Variants in NXPH1 observed in about 807,000 individuals in gnomAD.
NXPH1 encodes neurexophilin 1, also known as neurexophilin-1.
Under a neutral mutation model 23.7 loss-of-function variants are expected in NXPH1, and 5 were observed. That is an observed-to-expected ratio of 0.21 (90% CI 0.11 to 0.44). The LOEUF (loss-of-function observed/expected upper bound fraction) is 0.44, where lower values mean the gene tolerates loss of function less well. Among genes scored for constraint, NXPH1 ranks in the 20% least tolerant of loss-of-function variants. The probability of loss-of-function intolerance (pLI) is 0.99; values close to 1 mark genes in which losing one functional copy is unlikely to be tolerated. For synonymous variants in NXPH1, 144 were observed against 122.2 expected, an observed-to-expected ratio of 1.18 and a Z score of -1.18; for missense variants, 324 against 321.6, an observed-to-expected ratio of 1.01 and a Z score of -0.06.
intron 2 of NXPH1, among the ~76,000 whole-genome samples, chr7:8,538,441 C>T (rs1012470948): frequency 4.6e-5 from 7 of 151,880 alleles, no homozygotes; most frequent in African/African-American, 1.2e-4. Context: ...CTGATATTCT[C>T]TTTCTGGGAC....
chr7:8,723,542 T>C (rs930657610), intron 2 of NXPH1, among the ~76,000 whole-genome samples: 1 of 152,234 alleles, frequency 6.6e-6, no homozygotes. Flanking sequence ...TATAACATTT[T>C]TGGTTATAAT....
chr7:8,575,109 A>G (rs933356738), intron 2 of NXPH1, among the ~76,000 whole-genome samples: 2 of 152,160 alleles, frequency 1.3e-5, no homozygotes, highest in African/African-American at 4.8e-5. Context: ...CTAAAAGAGT[A>G]TTTCTGACTA....
At chr7:8,554,206 A>G (rs1818320219) in intron 2 of NXPH1, among the ~76,000 whole-genome samples, 1 of 151,638 alleles carries the variant, frequency 6.6e-6, no homozygotes, top group Admixed American at 6.6e-5. Flanking sequence ...GTTAGATACT[A>G]TCATTGCTTA....
chr7:8,648,136 C>G (rs1022072894), intron 2 of NXPH1, among the ~76,000 whole-genome samples: 9 of 148,058 alleles, frequency 6.1e-5, no homozygotes, highest in African/African-American at 1.9e-4. Flanking sequence ...TCCATCCCCT[C>G]AAGCATTTAT....
chr7:8,649,326 T>G (rs1201476402), intron 2 of NXPH1, among the ~76,000 whole-genome samples: 5 of 151,920 alleles, frequency 3.3e-5, no homozygotes, highest in African/African-American at 1.2e-4. Flanking sequence ...TCTTTCCTTT[T>G]TTTGTATTCA....
chr7:8,738,220 G>C (rs748841381), intron 2 of NXPH1, among the ~76,000 whole-genome samples: 1 of 152,176 alleles, frequency 6.6e-6, no homozygotes, highest in Non-Finnish European at 1.5e-5. Flanking sequence ...AGGCATTCTG[G>C]ATTTGGAATT....
At position 8,752,130 on chromosome 7, in the gene NXPH1, G is replaced by A. The variant is rs772302429; in HGVS notation, c.*361G>A. The A allele has an allele frequency of 2.3e-4, 45 of 196,258 alleles. No individual in the cohort carries two copies. Among genetic ancestry groups the A allele is most frequent in the Non-Finnish European group, 4.7e-4 (44 of 93,604 alleles). 12.2% of individuals were successfully genotyped at this position (196,258 alleles called of 1,614,324 possible). ...GGTTCAGGATCAACTATCATCAAAC[G>A]GAAGGATTAACTAGACAGAGAATGT... is the stretch of plus-strand genomic sequence containing the variant. On this transcript the variant is annotated 3_prime_UTR_variant, in exon 3 of 3. Transcript: ENST00000405863.
At chr7:8,607,316 A>C (rs766246710) in intron 2 of NXPH1, among the ~76,000 whole-genome samples, 3 of 152,198 alleles carry the variant, frequency 2.0e-5, no homozygotes, top group Non-Finnish European at 4.4e-5. Flanking sequence ...CAGTTTAATT[A>C]AGACCAATGA....
At chr7:8,482,664 G>T (rs1817094149) in intron 2 of NXPH1, among the ~76,000 whole-genome samples, 1 of 152,142 alleles carries the variant, frequency 6.6e-6, no homozygotes. Flanking sequence ...AATGCTCATG[G>T]TCATTGACTT....
intron 2 of NXPH1, among the ~76,000 whole-genome samples, chr7:8,493,330 G>A (rs753707368): frequency 7.2e-5 from 11 of 151,982 alleles, no homozygotes; most frequent in Non-Finnish European, 1.5e-4. Context: ...ATTTCATCAC[G>A]GCTGGAGGAA....
rs1780575741 is a variant in NXPH1 at position 8,752,121 on chromosome 7, T to A, written c.*352T>A. On this transcript the variant is annotated 3_prime_UTR_variant, in exon 3 of 3. Transcript: ENST00000405863. ...ACTCATAATGGTTCAGGATCAACTA[T>A]CATCAAACGGAAGGATTAACTAGAC... 4.9e-6 allele frequency: 1 copy of A among 204,134 alleles called. No individual in the cohort carries two copies. Among genetic ancestry groups the A allele is most frequent in the African/African-American group, 2.3e-5 (1 of 43,736 alleles). 12.6% of individuals were successfully genotyped at this position (204,134 alleles called of 1,614,324 possible).
chr7:8,582,507 T>C (rs1818899351), intron 2 of NXPH1, among the ~76,000 whole-genome samples: 2 of 152,004 alleles, frequency 1.3e-5, no homozygotes, highest in African/African-American at 4.8e-5. Flanking sequence ...TCCCGACGAG[T>C]GTCCAGCTCT....
chr7:8,504,848 A>G (rs150742758), intron 2 of NXPH1, among the ~76,000 whole-genome samples: 1 of 152,190 alleles, frequency 6.6e-6, no homozygotes, highest in African/African-American at 2.4e-5. Flanking sequence ...AAAACCAGGA[A>G]GCAGATCCTC....
intron 2 of NXPH1, among the ~76,000 whole-genome samples, chr7:8,617,763 G>A (rs1043431756): frequency 2.0e-5 from 3 of 152,044 alleles, no homozygotes; most frequent in African/African-American, 4.8e-5. Flanking sequence ...CAATAATAAC[G>A]TAATTGTACG....
chr7:8,708,295 C>A (rs959601557), intron 2 of NXPH1, among the ~76,000 whole-genome samples: 1 of 151,984 alleles, frequency 6.6e-6, no homozygotes, highest in Non-Finnish European at 1.5e-5. Flanking sequence ...TTTTGTCATT[C>A]GGTCAAAATA....
At chr7:8,501,293 T>C (rs376862879) in intron 2 of NXPH1, among the ~76,000 whole-genome samples, 1 of 152,042 alleles carries the variant, frequency 6.6e-6, no homozygotes, top group Non-Finnish European at 1.5e-5. Flanking sequence ...TGTTACTGAG[T>C]AATGAAATGG....
chr7:8,624,421 G>A (rs764594570), intron 2 of NXPH1, among the ~76,000 whole-genome samples: 19 of 152,062 alleles, frequency 1.2e-4, no homozygotes, highest in East Asian at 3.9e-4. Flanking sequence ...GATGGCAGTC[G>A]AAATCATGAA....
chr7:8,528,563 G>A (rs1177810596), intron 2 of NXPH1, among the ~76,000 whole-genome samples: 2 of 152,178 alleles, frequency 1.3e-5, no homozygotes, highest in African/African-American at 4.8e-5. Context: ...CTGAAAGGAT[G>A]CCTTATTTGC....
intron 2 of NXPH1, among the ~76,000 whole-genome samples, chr7:8,600,916 T>G (rs1323066254): frequency 2.0e-5 from 3 of 150,744 alleles, no homozygotes; most frequent in Non-Finnish European, 4.4e-5. Flanking sequence ...GTACTGAATG[T>G]GTAGACCTTT....
Sources: gnomAD v4.1 joint callset for allele counts (sites outside exome capture counted in the v4.1 genomes callset) on GRCh38, gnomAD v4.1.1 for gene constraint, MANE v1.5 for transcripts, NCBI Gene and HGNC (gene_info 2026-07-23, HGNC 2026-07-21) for gene names.